RAP1GAP2: variants seen among roughly 807,000 people sequenced by gnomAD.
RAP1GAP2 encodes rap1 GTPase-activating protein 2.
In RAP1GAP2, 27 loss-of-function variants were observed where a neutral mutation model predicts 95.0. The observed-to-expected ratio is 0.28, with a 90% CI of 0.21 to 0.39. RAP1GAP2 has a LOEUF of 0.39. Ranked by LOEUF, RAP1GAP2 falls within the 10% of genes least tolerant of loss-of-function variation. The pLI is 1.00. For synonymous variants in RAP1GAP2, 373 were observed against 380.9 expected, an observed-to-expected ratio of 0.98 and a Z score of 0.24; for missense variants, 771 against 970.0, an observed-to-expected ratio of 0.79 and a Z score of 2.72.
At chr17:2,962,206 A>C (rs1296543755) in intron 4 of RAP1GAP2, 1 of 172,528 alleles carries the variant, frequency 5.8e-6, no homozygotes, top group Non-Finnish European at 1.2e-5. Flanking sequence ...CCGACAAGAC[A>C]GCTATTTAAG....
chr17:2,978,628 C>G (rs951031018), intron 8 of RAP1GAP2, among the ~76,000 whole-genome samples: 1 of 152,014 alleles, frequency 6.6e-6, no homozygotes, highest in Non-Finnish European at 1.5e-5. Flanking sequence ...ATAAGGGGGA[C>G]TGCTGTATTA....
Position 2,874,639 on chromosome 17 carries a change from T to C in RAP1GAP2, c.81-30645T>C, listed in dbSNP as rs376547287. The stretch of plus-strand genomic sequence containing the variant: ...CCTGAACCAGTCAGAGGCCTCAGCC[T>C]GGGGCTGGATTCTGGAGGAAATGAG... On this transcript the variant is annotated intron_variant, in intron 2 of 24. Transcript: ENST00000254695. 2.0e-5 allele frequency among the ~76,000 whole-genome samples: 3 copies of C among 152,162 alleles called. 1 individual carries two copies. In the South Asian group the frequency reaches 6.2e-4, roughly 31 times the overall value.
intron 12 of RAP1GAP2, among the ~76,000 whole-genome samples, chr17:2,991,620 C>A (rs1406495887): frequency 2.0e-5 from 3 of 152,202 alleles, no homozygotes; most frequent in Admixed American, 2.0e-4. Flanking sequence ...CGGCCCTGGG[C>A]CCCGCCCCAG....
chr17:2,970,508 T>C (rs2317463), intron 8 of RAP1GAP2, among the ~76,000 whole-genome samples: 112,582 of 152,014 alleles, frequency 0.74, 42,207 homozygotes, highest in African/African-American at 0.86. Flanking sequence ...CTTTCACCAG[T>C]AATGTATCAA....
At chr17:2,789,678 A>G (rs1181820065) in intron 1 of RAP1GAP2, among the ~76,000 whole-genome samples, 1 of 138,922 alleles carries the variant, frequency 7.2e-6, no homozygotes, top group African/African-American at 2.6e-5. Context: ...GCTACTCTGG[A>G]GGCTGAGGCA....
intron 1 of RAP1GAP2, among the ~76,000 whole-genome samples, chr17:2,786,066 T>G (rs2068766159): frequency 6.6e-6 from 1 of 152,072 alleles, no homozygotes; most frequent in Non-Finnish European, 1.5e-5. Context: ...CATGCCTGGC[T>G]AATTTTGTAT....
chr17:2,998,162 C>G, intron 13 of RAP1GAP2, 59 bp from the exon 14 acceptor site: 1 of 1,560,682 alleles, frequency 6.4e-7, no homozygotes, highest in Non-Finnish European at 8.8e-7. Flanking sequence ...ACTCTTTCCC[C>G]AAAACATCTT....
At chr17:2,822,739 G>A (rs1485044113) in intron 2 of RAP1GAP2, among the ~76,000 whole-genome samples, 8 of 142,438 alleles carry the variant, frequency 5.6e-5, no homozygotes, top group Admixed American at 1.5e-4. Flanking sequence ...AAGTTTTAGC[G>A]TACATGTGCA....
rs1055363722 is a variant in RAP1GAP2 at position 2,825,211 on chromosome 17, G to A, written c.80+24661G>A. Among the ~76,000 whole-genome samples, 6 of 152,040 alleles carry A rather than the reference G, an allele frequency of 3.9e-5. No individual in the cohort carries two copies. Among genetic ancestry groups the A allele is most frequent in the Non-Finnish European group, 8.8e-5 (6 of 68,012 alleles). On this transcript the variant is annotated intron_variant, in intron 2 of 24. Transcript: ENST00000254695. The surrounding 1 kb of genome is among the most constrained non-coding windows in gnomAD (Gnocchi z 4.1). ...GGCCTCCTAAATTGCTGGTATTATG[G>A]GTGTGAGCCACCACACCTAGTCCCA...
intron 4 of RAP1GAP2, 93 bp from the exon 5 acceptor site, chr17:2,962,577 G>T (rs2044384285): frequency 7.4e-7 from 1 of 1,344,192 alleles, no homozygotes. Flanking sequence ...TGCTGCTCCT[G>T]TTACTAACCC....
upstream of RAP1GAP2, among the ~76,000 whole-genome samples, chr17:2,794,707 A>G: frequency 6.6e-6 from 1 of 152,050 alleles, no homozygotes; most frequent in Non-Finnish European, 1.5e-5. Flanking sequence ...GGAGTCAAGA[A>G]AATAGAAATC....
intron 2 of RAP1GAP2, among the ~76,000 whole-genome samples, chr17:2,806,610 T>C (rs2069532499): frequency 6.6e-6 from 1 of 151,660 alleles, no homozygotes; most frequent in South Asian, 2.1e-4. Context: ...TTGGCCAGGC[T>C]GGTCTTGAAC....
At chr17:2,949,752 C>A (rs576725869) in intron 3 of RAP1GAP2, among the ~76,000 whole-genome samples, 4 of 152,226 alleles carry the variant, frequency 2.6e-5, no homozygotes, top group African/African-American at 7.2e-5. Flanking sequence ...GAGGGTGTGT[C>A]CGAAAGGCTG....
chr17:2,794,455 C>T (rs986490922), upstream of RAP1GAP2, among the ~76,000 whole-genome samples: 1 of 152,202 alleles, frequency 6.6e-6, no homozygotes, highest in African/African-American at 2.4e-5. Context: ...GCGCTTGTGG[C>T]ACTCTGCAGT....
At chr17:2,961,805 G>A (rs2044341306) in intron 4 of RAP1GAP2, among the ~76,000 whole-genome samples, 1 of 152,262 alleles carries the variant, frequency 6.6e-6, no homozygotes, top group African/African-American at 2.4e-5. Flanking sequence ...AGGCCTGTTG[G>A]CGTGGGCTCT....
intron 2 of RAP1GAP2, among the ~76,000 whole-genome samples, chr17:2,818,191 A>G (rs2070117891): frequency 6.6e-6 from 1 of 151,808 alleles, no homozygotes; most frequent in African/African-American, 2.4e-5. Flanking sequence ...ACACACACAT[A>G]AAGTTAAGTT....
At chr17:2,793,969 C>T (rs1170305946), upstream of RAP1GAP2, among the ~76,000 whole-genome samples, 1 of 151,202 alleles carries the variant, frequency 6.6e-6, no homozygotes, top group Non-Finnish European at 1.5e-5. Flanking sequence ...GGCGTGGTGG[C>T]GGGCGCCTGT....
rs570987410 is a variant in RAP1GAP2, at chr17:2,855,664, G to T, written c.81-49620G>T. On this transcript the variant is annotated intron_variant, in intron 2 of 24. Coordinates refer to ENST00000254695, the MANE Select transcript of RAP1GAP2 (RefSeq NM_015085.5). This position sits in a 1 kb window ranked among gnomAD's most constrained non-coding sequence, Gnocchi z 4.3. ...TCTCACTCTGTTAGCCCAAGCTGGA[G>T]TACAGTGGCGCCATCTCGGCCCACT... is the stretch of plus-strand genomic sequence containing the variant. Among the ~76,000 whole-genome samples the T allele has an allele frequency of 4.4e-3, 667 of 152,304 alleles. 9 individuals are homozygous for T. The highest frequency in any genetic ancestry group is 0.014 in the Middle Eastern group (4 of 294).
At position 3,029,189 on chromosome 17, in the gene RAP1GAP2, A is replaced by G. The variant is rs1304784840; in HGVS notation, c.2108-1733A>G. ...GAATCTGTAAGCAAGCCTGGCCCCC[A>G]CTTGGTGTTAAATAAACGTCAAAGT... is the stretch of plus-strand genomic sequence containing the variant. On this transcript the variant is annotated intron_variant, in intron 22 of 24. Coordinates refer to ENST00000254695, the MANE Select transcript of RAP1GAP2 (RefSeq NM_015085.5). The surrounding 1 kb of genome is among the most constrained non-coding windows in gnomAD (Gnocchi z 4.4). 2.6e-5 allele frequency among the ~76,000 whole-genome samples: 4 copies of G among 152,158 alleles called. No individual in the cohort carries two copies. Among genetic ancestry groups the G allele is most frequent in the Non-Finnish European group, 2.9e-5 (2 of 68,030 alleles).
Sources: gnomAD v4.1 joint callset for allele counts (sites outside exome capture counted in the v4.1 genomes callset) on GRCh38, gnomAD v4.1.1 for gene constraint, Gnocchi (gnomAD v3.1) non-coding constraint, MANE v1.5 for transcripts, NCBI Gene and HGNC (gene_info 2026-07-23, HGNC 2026-07-21) for gene names.